Variants in MAF observed in about 807,000 individuals in gnomAD.
MAF encodes MAF bZIP transcription factor.
Under a neutral mutation model 22.0 loss-of-function variants are expected in MAF, and 10 were observed. The ratio of observed to expected loss-of-function variants is 0.45; its 90% CI spans 0.28 to 0.77. MAF has a LOEUF of 0.77. Among genes scored for constraint, MAF ranks in the 30% least tolerant of loss-of-function variants. The pLI, the probability that MAF is intolerant of heterozygous loss-of-function variation, is 0.12. For missense variants in MAF, 544 were observed against 548.4 expected, an observed-to-expected ratio of 0.99 and a Z score of 0.08; for synonymous variants, 337 against 255.8, an observed-to-expected ratio of 1.32 and a Z score of -3.03.
chr16:79,569,209 G>A, the MAF span, among the ~76,000 whole-genome samples: 1 of 152,176 alleles, frequency 6.6e-6, no homozygotes, highest in Non-Finnish European at 1.5e-5. Flanking sequence ...TTGTGGGAGG[G>A]TCTTCCCTGT....
At chr16:79,283,981 A>AG in the MAF span, among the ~76,000 whole-genome samples, 9 of 77,538 alleles carry the variant, frequency 1.2e-4, 1 homozygote, top group Middle Eastern at 5.7e-3. Flanking sequence ...AAAAAAAAAA[A>AG]AAAAGACAAA....
At chr16:79,312,313 A>T in the MAF span, among the ~76,000 whole-genome samples, 1 of 152,222 alleles carries the variant, frequency 6.6e-6, no homozygotes, top group African/African-American at 2.4e-5. Context: ...AACAGACCTA[A>T]TTGCACCCAC....
At chr16:79,556,286 T>A in the MAF span, among the ~76,000 whole-genome samples, 1 of 152,218 alleles carries the variant, frequency 6.6e-6, no homozygotes, top group Non-Finnish European at 1.5e-5. Context: ...TTTTTTGAAA[T>A]GTCTTCATTT....
the MAF span, among the ~76,000 whole-genome samples, chr16:79,351,365 A>C: frequency 1.3e-5 from 2 of 152,142 alleles, no homozygotes; most frequent in Non-Finnish European, 2.9e-5. Flanking sequence ...AATTCTCAGC[A>C]CATCTGAACG....
At position 79,600,036 on chromosome 16, in the gene MAF, G is replaced by A; in HGVS notation, c.-134C>T. 1 of 1,308,058 alleles carries A rather than the reference G, an allele frequency of 7.6e-7. No individual in the cohort carries two copies. Among genetic ancestry groups the A allele is most frequent in the Non-Finnish European group, 1.0e-6 (1 of 952,592 alleles). 81.0% of individuals were successfully genotyped at this position (1,308,058 alleles called of 1,614,324 possible). A position where few individuals can be genotyped will look rare whatever the true frequency, so the allele number is the denominator to read the frequency against. On this transcript the variant is annotated 5_prime_UTR_variant, in exon 1 of 2. Coordinates refer to ENST00000326043, the MANE Select transcript of MAF (RefSeq NM_005360.5). ...GGGCGCTTCTAGCTTGCGCGGCGGTGGCTGGCCCGAAACCTCCGAGCGCGC... is the reference window on the plus strand; with the variant it reads ...GGGCGCTTCTAGCTTGCGCGGCGGTAGCTGGCCCGAAACCTCCGAGCGCGC...
chr16:79,268,731 T>C, the MAF span, among the ~76,000 whole-genome samples: 1 of 152,132 alleles, frequency 6.6e-6, no homozygotes, highest in East Asian at 1.9e-4. Flanking sequence ...ACCAACTCCA[T>C]ATATCAGTTT....
the MAF span, among the ~76,000 whole-genome samples, chr16:79,571,425 G>C: frequency 2.6e-5 from 4 of 151,772 alleles, no homozygotes; most frequent in Admixed American, 1.3e-4. Flanking sequence ...TATGGAGGTG[G>C]TAACTGAAGC....
At chr16:79,275,640 G>C in the MAF span, among the ~76,000 whole-genome samples, 2 of 152,218 alleles carry the variant, frequency 1.3e-5, no homozygotes, top group Non-Finnish European at 2.9e-5. Flanking sequence ...CCCATTGTCA[G>C]TCATGGCTAC....
the MAF span, among the ~76,000 whole-genome samples, chr16:79,440,762 G>A: frequency 6.6e-6 from 1 of 152,164 alleles, no homozygotes; most frequent in Non-Finnish European, 1.5e-5. Context: ...ACTTCAGAAT[G>A]GCTTGCTGTT....
At chr16:79,404,426 T>G in the MAF span, among the ~76,000 whole-genome samples, 5 of 152,100 alleles carry the variant, frequency 3.3e-5, no homozygotes, top group Non-Finnish European at 7.4e-5. Context: ...CCTCCCAAAG[T>G]GCTGGAATTA....
chr16:79,313,397 A>C, the MAF span, among the ~76,000 whole-genome samples: 1 of 152,128 alleles, frequency 6.6e-6, no homozygotes, highest in African/African-American at 2.4e-5. Flanking sequence ...GACCCTCTCA[A>C]CAGTAAAAGG....
At chr16:79,240,003 C>A in the MAF span, among the ~76,000 whole-genome samples, 3 of 151,900 alleles carry the variant, frequency 2.0e-5, no homozygotes, top group Non-Finnish European at 2.9e-5. Flanking sequence ...AAAGTATTTA[C>A]CCAAATTATT....
chr16:79,246,959 G>A, the MAF span, among the ~76,000 whole-genome samples: 1 of 152,190 alleles, frequency 6.6e-6, no homozygotes, highest in African/African-American at 2.4e-5. Flanking sequence ...GTAGACAGGA[G>A]ACAGAGTAAA....
the MAF span, among the ~76,000 whole-genome samples, chr16:79,208,440 T>C: frequency 6.6e-6 from 1 of 152,052 alleles, no homozygotes; most frequent in African/African-American, 2.4e-5. Context: ...TATGTCAAGG[T>C]ATTATTATTT....
chr16:79,371,756 G>C, the MAF span, among the ~76,000 whole-genome samples: 1 of 152,148 alleles, frequency 6.6e-6, no homozygotes, highest in African/African-American at 2.4e-5. Context: ...CCCTGTGCTT[G>C]GCCCACCACC....
chr16:79,335,734 T>C, the MAF span, among the ~76,000 whole-genome samples: 6 of 152,302 alleles, frequency 3.9e-5, no homozygotes, highest in African/African-American at 1.4e-4. Flanking sequence ...GGGCCGGGAA[T>C]CAGGAAGCGG....
chr16:79,580,966 T>C (rs956550386), downstream of MAF, among the ~76,000 whole-genome samples: 13 of 152,122 alleles, frequency 8.5e-5, no homozygotes, highest in African/African-American at 2.7e-4. Flanking sequence ...TTAGTTTGGG[T>C]CAAATAGGTC....
chr16:79,475,388 A>G, the MAF span, among the ~76,000 whole-genome samples: 2 of 95,012 alleles, frequency 2.1e-5, no homozygotes, highest in South Asian at 7.5e-4. Flanking sequence ...GTGTGTATGC[A>G]AGAAAGAAGT....
the MAF span, among the ~76,000 whole-genome samples, chr16:79,401,358 AC>A: frequency 2.0e-5 from 3 of 152,196 alleles, no homozygotes; most frequent in East Asian, 5.8e-4. Flanking sequence ...TCTCTCCTAG[AC>A]CCCATGAACG....
Sources: allele counts gnomAD v4.1 joint callset (sites outside exome capture counted in the v4.1 genomes callset), GRCh38; gene constraint gnomAD v4.1.1; transcripts MANE v1.5; gene names NCBI Gene and HGNC (gene_info 2026-07-23, HGNC 2026-07-21).